The following TPCN2 variants were observed in gnomAD, a reference collection of about 807,000 sequenced individuals.
The protein encoded by TPCN2 is two pore channel protein 2.
In TPCN2, 92 loss-of-function variants were observed where a neutral mutation model predicts 111.4. That is an observed-to-expected ratio of 0.83 (90% CI 0.70 to 0.98). TPCN2 has a LOEUF of 0.98. Ranked by LOEUF, TPCN2 falls within the 50% of genes least tolerant of loss-of-function variation. The pLI is 0.00. For missense variants in TPCN2, 995 were observed against 980.1 expected, an observed-to-expected ratio of 1.02 and a Z score of -0.20; for synonymous variants, 405 against 414.5, an observed-to-expected ratio of 0.98 and a Z score of 0.28.
chr11:69,081,173 T>C (rs1256765779), intron 17 of TPCN2, among the ~76,000 whole-genome samples: 13 of 151,854 alleles, frequency 8.6e-5, no homozygotes, highest in Non-Finnish European at 1.9e-4. Context: ...GTTGGGGGGA[T>C]GGGGGTCGCT....
intron 5 of TPCN2, among the ~76,000 whole-genome samples, chr11:69,059,495 C>A (rs1299490699): frequency 6.6e-6 from 1 of 152,230 alleles, no homozygotes; most frequent in African/African-American, 2.4e-5. Context: ...TGGGTCCTGG[C>A]TGGGGGAGAG....
intron 24 of TPCN2, 118 bp from the exon 25 acceptor site, chr11:69,087,756 TG>T: frequency 1.4e-6 from 1 of 709,540 alleles, no homozygotes; most frequent in Non-Finnish European, 2.4e-6. Flanking sequence ...CCCGTGTCTC[TG>T]TGTCCCTGTG....
At position 69,078,757 on chromosome 11, in the gene TPCN2, T is replaced by C. The variant is rs150921331; in HGVS notation, c.1374T>C (p.Asp458=). Residue 458 remains aspartate, a synonymous_variant, in exon 15 of 25, where the codon GAT becomes GAC. Transcript: ENST00000294309. ...AGGTGTTCCTGGTGCTGGATGCAGA[T>C]GTGCTGCCTGCTGAGCGTGATGACT... ...SICVFLVLDA[D]VLPAERDDFI... is the part of the protein sequence containing the mutation. 6.2e-6 allele frequency: 10 copies of C among 1,613,916 alleles called. No homozygotes were observed. Among genetic ancestry groups the C allele is most frequent in the African/African-American group, 2.7e-5 (2 of 74,948 alleles).
intron 3 of TPCN2, 51 bp from the exon 4 acceptor site, chr11:69,055,124 G>T (rs1438991833): frequency 1.3e-6 from 2 of 1,588,266 alleles, no homozygotes; most frequent in Non-Finnish European, 1.7e-6. Context: ...CAGCCTCTGG[G>T]CCCTGAGGGC....
chr11:69,062,158 T>G (rs1044662907), intron 5 of TPCN2, among the ~76,000 whole-genome samples: 7 of 151,892 alleles, frequency 4.6e-5, no homozygotes, highest in Non-Finnish European at 8.8e-5. Flanking sequence ...GCCCCCAGAC[T>G]CCTTTTAAAA....
At chr11:69,052,320 C>A (rs187507669) in intron 1 of TPCN2, among the ~76,000 whole-genome samples, 146 of 152,234 alleles carry the variant, frequency 9.6e-4, no homozygotes, top group Non-Finnish European at 1.9e-3. Context: ...CCCCCAGGCT[C>A]CCCTCAGGGC....
chr11:69,074,560 C>T (rs10792018), intron 13 of TPCN2, among the ~76,000 whole-genome samples: 66,177 of 151,956 alleles, frequency 0.44, 14,825 homozygotes, highest in Non-Finnish European at 0.5. Flanking sequence ...GTCCTAGGGG[C>T]GGAGCTGTTT....
chr11:69,085,623 C>A, intron 20 of TPCN2, 48 bp from the exon 21 acceptor site: 1 of 1,292,942 alleles, frequency 7.7e-7, no homozygotes, highest in Non-Finnish European at 1.1e-6. Context: ...TATCAGGCCT[C>A]AGAACCTGGA....
At chr11:69,080,063 C>A (rs557750119) in intron 17 of TPCN2, among the ~76,000 whole-genome samples, 180 bp downstream of exon 17, 5 of 152,208 alleles carry the variant, frequency 3.3e-5, no homozygotes, top group African/African-American at 1.2e-4. Flanking sequence ...AGGGCCCTGC[C>A]GTCGCTCTGG....
intron 5 of TPCN2, 25 bp from the exon 6 acceptor site, chr11:69,062,859 C>T (rs750855247): frequency 3.1e-6 from 5 of 1,607,556 alleles, no homozygotes; most frequent in Non-Finnish European, 4.3e-6. Flanking sequence ...TTGACGTGGT[C>T]CTCAGTTTCC....
chr11:69,051,314 G>C (rs1182172174), intron 1 of TPCN2, among the ~76,000 whole-genome samples: 1 of 152,260 alleles, frequency 6.6e-6, no homozygotes, highest in Non-Finnish European at 1.5e-5. Flanking sequence ...ACAAGTCAGA[G>C]GACAAGGGAT....
chr11:69,078,238 A>G (rs1271697049), intron 13 of TPCN2, among the ~76,000 whole-genome samples: 1 of 151,592 alleles, frequency 6.6e-6, no homozygotes, highest in Non-Finnish European at 1.5e-5. Context: ...TGGTTTACTT[A>G]CAGCCTCAGT....
chr11:69,071,795 TG>T (rs1855547768), intron 10 of TPCN2, 127 bp from the exon 11 acceptor site: 2 of 792,648 alleles, frequency 2.5e-6, no homozygotes, highest in Non-Finnish European at 4.1e-6. Flanking sequence ...CCCCAGGCTG[TG>T]GGGAACTGGG....
At chr11:69,079,811 C>T in intron 16 of TPCN2, 23 bp from the exon 17 acceptor site, 3 of 1,612,418 alleles carry the variant, frequency 1.9e-6, no homozygotes, top group Middle Eastern at 1.7e-4. Flanking sequence ...GTAGCGAAGC[C>T]TTCTTTTCTT....
intron 1 of TPCN2, among the ~76,000 whole-genome samples, chr11:69,049,479 G>A (rs1861117072): frequency 6.6e-6 from 1 of 152,244 alleles, no homozygotes; most frequent in African/African-American, 2.4e-5. Flanking sequence ...CCGTAATGAG[G>A]GTCGCCTAAT....
intron 19 of TPCN2, chr11:69,084,588 C>T (rs755298906): frequency 3.0e-6 from 3 of 985,298 alleles, no homozygotes; most frequent in Admixed American, 1.2e-4. Context: ...GCCCCAGATC[C>T]GCGCCGTGCA....
intron 7 of TPCN2, among the ~76,000 whole-genome samples, chr11:69,065,076 ATGGTGTCTGTATGTCTCTGCGTGCG>A (rs1855211948): frequency 1.3e-5 from 2 of 149,938 alleles, no homozygotes; most frequent in African/African-American, 2.5e-5. Context: ...GTGTGCATGC[ATGGTGTCTGTATGTCTCTGCGTGCG>A]TGGTGTCTGT....
chr11:69,076,238 C>G (rs1390945689), intron 13 of TPCN2, among the ~76,000 whole-genome samples: 1 of 152,088 alleles, frequency 6.6e-6, no homozygotes, highest in Non-Finnish European at 1.5e-5. Flanking sequence ...ACTGGCTTCC[C>G]CGGGCTGCGG....
chr11:69,054,157 GC>G (rs1422278191), intron 2 of TPCN2, 60 bp downstream of exon 2: 2 of 1,453,008 alleles, frequency 1.4e-6, no homozygotes, highest in Non-Finnish European at 9.6e-7. Context: ...CGATTGGCTC[GC>G]CCCTCCAGGG....
Sources: allele counts gnomAD v4.1 joint callset (sites outside exome capture counted in the v4.1 genomes callset), GRCh38; gene constraint gnomAD v4.1.1; transcripts MANE v1.5; gene names NCBI Gene and HGNC (gene_info 2026-07-23, HGNC 2026-07-21).